The following WDFY3 variants were observed in gnomAD, a reference collection of about 807,000 sequenced individuals.
WDFY3 encodes the protein WD repeat and FYVE domain containing 3, also known as WD repeat and FYVE domain-containing protein 3.
WDFY3 carries 66 observed loss-of-function variants against 409.6 expected under a neutral mutation model. The ratio of observed to expected loss-of-function variants is 0.16; its 90% CI spans 0.13 to 0.20. The LOEUF (loss-of-function observed/expected upper bound fraction) is 0.20, where lower values mean the gene tolerates loss of function less well. Ranked by LOEUF, WDFY3 falls within the 10% of genes least tolerant of loss-of-function variation. WDFY3 has a pLI of 1.00. For synonymous variants in WDFY3, 1,521 were observed against 1,537.1 expected (o/e 0.99, Z 0.25); for missense variants, 3,031 against 4,298.1 (o/e 0.71, Z 8.24).
At chr4:84,710,472 A>G (rs1732698498) in intron 51 of WDFY3, among the ~76,000 whole-genome samples, 1 of 152,198 alleles carries the variant, frequency 6.6e-6, no homozygotes, top group South Asian at 2.1e-4. Context: ...TGGAACCAGG[A>G]GAAAGTATTT....
intron 36 of WDFY3, among the ~76,000 whole-genome samples, chr4:84,749,915 T>C (rs1033168993): frequency 3.3e-5 from 5 of 152,170 alleles, no homozygotes; most frequent in Non-Finnish European, 7.3e-5. Flanking sequence ...ATATATCAAA[T>C]TCTTCCTACT....
intron 2 of WDFY3, among the ~76,000 whole-genome samples, chr4:84,925,350 G>A (rs989730454): frequency 6.6e-6 from 1 of 152,168 alleles, no homozygotes; most frequent in Non-Finnish European, 1.5e-5. Context: ...CATGTGGCTT[G>A]CTGCTCCCAT....
chr4:84,892,902 T>A (rs1414843690), intron 3 of WDFY3, among the ~76,000 whole-genome samples: 1 of 152,236 alleles, frequency 6.6e-6, no homozygotes, highest in African/African-American at 2.4e-5. Context: ...AATGTTTCTC[T>A]GAGAAGTTCA....
chr4:84,682,225 A>C (rs1296715267), intron 64 of WDFY3, 149 bp downstream of exon 64: 1 of 664,180 alleles, frequency 1.5e-6, no homozygotes, highest in Non-Finnish European at 2.6e-6. Context: ...ATGTCTGCTC[A>C]AAGGAATCAC....
intron 3 of WDFY3, among the ~76,000 whole-genome samples, chr4:84,861,246 T>C (rs1385282047): frequency 6.6e-6 from 1 of 151,838 alleles, no homozygotes; most frequent in East Asian, 1.9e-4. Flanking sequence ...GAGAAAGAGA[T>C]CACAAAACTA....
At chr4:84,921,945 G>A (rs1414581965) in intron 2 of WDFY3, among the ~76,000 whole-genome samples, 2 of 151,572 alleles carry the variant, frequency 1.3e-5, no homozygotes, top group Admixed American at 1.3e-4. Context: ...ATGAGCCACC[G>A]CACCTGGCCT....
intron 3 of WDFY3, among the ~76,000 whole-genome samples, chr4:84,864,078 T>C (rs1021117748): frequency 1.1e-4 from 16 of 152,032 alleles, no homozygotes; most frequent in African/African-American, 3.9e-4. Flanking sequence ...TAAAGAATGC[T>C]ATTGGAGGCC....
intron 30 of WDFY3, among the ~76,000 whole-genome samples, chr4:84,771,041 GTTC>G (rs1343403850): frequency 6.6e-6 from 1 of 152,116 alleles, no homozygotes; most frequent in African/African-American, 2.4e-5. Flanking sequence ...CTACTTCAAT[GTTC>G]TATATGAAAG....
At chr4:84,836,869 A>AAAG in intron 7 of WDFY3, 60 bp downstream of exon 7, 1 of 1,296,294 alleles carries the variant, frequency 7.7e-7, no homozygotes, top group Non-Finnish European at 1.0e-6. Context: ...ACATCTATTT[A>AAAG]GGAAGTATAC....
chr4:84,702,278 C>T (rs932472070), intron 56 of WDFY3, 75 bp downstream of exon 56: 2 of 1,447,438 alleles, frequency 1.4e-6, no homozygotes, highest in Admixed American at 5.1e-5. Context: ...TGCAGACAAT[C>T]TTCAGAGAAG....
At chr4:84,902,917 C>T (rs1056362195) in intron 2 of WDFY3, among the ~76,000 whole-genome samples, 1 of 152,126 alleles carries the variant, frequency 6.6e-6, no homozygotes, top group Non-Finnish European at 1.5e-5. Context: ...AGAAGCCTAA[C>T]AAATAGCTTC....
chr4:84,924,817 A>G (rs1039638286), intron 2 of WDFY3, among the ~76,000 whole-genome samples: 4 of 152,200 alleles, frequency 2.6e-5, no homozygotes, highest in Non-Finnish European at 5.9e-5. Flanking sequence ...TTTTCCTACT[A>G]TAGTACCTTC....
intron 61 of WDFY3, among the ~76,000 whole-genome samples, chr4:84,689,423 T>C (rs373276215): frequency 6.6e-6 from 1 of 152,216 alleles, no homozygotes; most frequent in Non-Finnish European, 1.5e-5. Flanking sequence ...ATGGAAAATA[T>C]TTTTAAGCAT....
chr4:84,962,063 T>C (rs1774989931), intron 1 of WDFY3, among the ~76,000 whole-genome samples: 1 of 152,176 alleles, frequency 6.6e-6, no homozygotes, highest in African/African-American at 2.4e-5. Flanking sequence ...CAAATGTCCA[T>C]CAGTTTATGA....
intron 36 of WDFY3, among the ~76,000 whole-genome samples, chr4:84,748,664 A>C (rs1230303872): frequency 6.6e-6 from 1 of 152,202 alleles, no homozygotes; most frequent in Admixed American, 6.5e-5. Flanking sequence ...GCCAGTCTAT[A>C]TGAATGGGAA....
chr4:84,677,049 AAG>A, intron 67 of WDFY3, 148 bp downstream of exon 67: 1 of 885,374 alleles, frequency 1.1e-6, no homozygotes, highest in East Asian at 2.8e-5. Flanking sequence ...TGTAGTAATA[AAG>A]AAGAACAGAA....
rs70943381 is a variant in WDFY3, at chr4:84,894,947, C to CAAA, written c.-32+1961_-32+1963dup. On this transcript the variant is annotated intron_variant, in intron 3 of 67. Coordinates refer to ENST00000295888, the MANE Select transcript of WDFY3 (RefSeq NM_014991.6). Reference sequence around the variant, plus strand: ...GCTGGGCAACAGAGTGAGACTGTCTCAAAAAAAAAAAAAAAAAAAGTCAGC... The same window carrying CAAA: ...GCTGGGCAACAGAGTGAGACTGTCTCAAAAAAAAAAAAAAAAAAAAAAGTCAGC... Among the ~76,000 whole-genome samples the CAAA allele has an allele frequency of 8.2e-4, 81 of 98,796 alleles. 1 individual carries two copies. Among genetic ancestry groups the CAAA allele is most frequent in the African/African-American group, 2.7e-3 (67 of 24,400 alleles). The allele number at this position is 98,796 out of a possible 152,430, so 64.8% of individuals were successfully genotyped here. A position where few individuals can be genotyped will look rare whatever the true frequency, so the allele number is the denominator to read the frequency against.
intron 7 of WDFY3, among the ~76,000 whole-genome samples, chr4:84,836,593 C>T (rs1014592699): frequency 5.9e-5 from 9 of 151,784 alleles, no homozygotes; most frequent in Admixed American, 2.0e-4. Flanking sequence ...AATTTTGAGA[C>T]ATTATAAGAA....
intron 18 of WDFY3, among the ~76,000 whole-genome samples, chr4:84,797,270 GA>G (rs1182695164): frequency 1.3e-5 from 2 of 151,958 alleles, no homozygotes; most frequent in African/African-American, 4.8e-5. Flanking sequence ...CTAAATGCAT[GA>G]TCGTAAAAGT....
Sources: gnomAD v4.1 joint callset for allele counts (sites outside exome capture counted in the v4.1 genomes callset) on GRCh38, gnomAD v4.1.1 for gene constraint, MANE v1.5 for transcripts, NCBI Gene and HGNC (gene_info 2026-07-23, HGNC 2026-07-21) for gene names.